Variants in PNKP observed in about 807,000 individuals in gnomAD.
PNKP encodes polynucleotide kinase 3'-phosphatase, also known as bifunctional polynucleotide phosphatase/kinase.
Under a neutral mutation model 66.2 loss-of-function variants are expected in PNKP, and 82 were observed. That is an observed-to-expected ratio of 1.24 (90% CI 1.04 to 1.49). The LOEUF is 1.49. PNKP is among the 40% of genes most tolerant of loss of function. The pLI is 0.00. For synonymous variants in PNKP, 412 were observed against 298.9 expected (o/e 1.38, Z -3.90); for missense variants, 907 against 706.8 (o/e 1.28, Z -3.21).
intron 8 of PNKP, 74 bp downstream of exon 8, chr19:49,863,615 G>C: frequency 8.8e-7 from 1 of 1,138,754 alleles, no homozygotes; most frequent in Non-Finnish European, 1.3e-6. Flanking sequence ...GGCCCCAACC[G>C]GAGGCCGGGG....
chr19:49,862,313 CG>C (rs1158501077), intron 11 of PNKP, 32 bp from the exon 12 acceptor site: 3 of 1,544,156 alleles, frequency 1.9e-6, no homozygotes, highest in Admixed American at 3.9e-5. Context: ...CGTGAGATGC[CG>C]TCCCCATCCC....
At chr19:49,866,608 C>T (rs2074822796) in intron 2 of PNKP, 163 bp from the exon 3 acceptor site, 1 of 731,776 alleles carries the variant, frequency 1.4e-6, no homozygotes, top group African/African-American at 1.7e-5. Context: ...GATAGTGGCA[C>T]TAGGATTGCC....
Position 49,862,882 on chromosome 19 carries a change from G to C in PNKP, c.817-144C>G. ...CATGTCCTCACTCTCCAGCCACTTT[G>C]CACCGTGCTCCTGGCCCCCTCCCCC... On this transcript the variant is annotated intron_variant, in intron 8 of 16. Transcript: ENST00000322344. 3.4e-6 allele frequency: 3 copies of C among 872,246 alleles called. No individual in the cohort carries two copies. In the Admixed American group the frequency reaches 5.9e-5, roughly 17 times the overall value. The allele number at this position is 872,246 out of a possible 1,614,324, so 54.0% of individuals were successfully genotyped here. A position where few individuals can be genotyped will look rare whatever the true frequency, so the allele number is the denominator to read the frequency against.
intron 3 of PNKP, among the ~76,000 whole-genome samples, chr19:49,865,761 C>CA (rs1225876742): frequency 1.8e-4 from 27 of 148,358 alleles, no homozygotes; most frequent in African/African-American, 6.8e-4. Flanking sequence ...TTACAGGCAC[C>CA]CGCCACCATG....
At position 49,865,353 on chromosome 19, in the gene PNKP, TC is replaced by T; in HGVS notation, c.271del (p.Asp91ThrfsTer12). ...GAGGCCATTGACCAAATACAGTGTG[TC>T]CCCCACCCCCAGAGAGCCCTCCAAC... is the stretch of plus-strand genomic sequence containing the variant. Reference protein sequence around the residue: ...PGLEGSLGVGDTLYLVNGLHP... With the variant: ...PGLEGSLGVGXTLYLVNGLHP... On this transcript the variant is annotated frameshift_variant, in exon 4 of 17. Coordinates refer to ENST00000322344, the MANE Select transcript of PNKP (RefSeq NM_007254.4). LOFTEE classifies it high-confidence loss of function. The T allele has an allele frequency of 6.2e-7, 1 of 1,613,462 alleles. No individual in the cohort carries two copies. The highest frequency in any genetic ancestry group is 1.1e-5 in the South Asian group (1 of 91,050).
Position 49,865,168 on chromosome 19 carries a change from A to G in PNKP, c.457T>C (p.Leu153=), listed in dbSNP as rs587784368. 7 of 1,614,166 alleles carry G rather than the reference A, an allele frequency of 4.3e-6. No homozygotes were observed. The highest frequency in any genetic ancestry group is 5.9e-6 in the Non-Finnish European group (7 of 1,180,004). ...ACCCCAGCTGCGGTGAACACTAGCA[A>G]CTTCTCCAAGTTCTCCCAGCCGGGG... is the stretch of plus-strand genomic sequence containing the variant. ...SNPGWENLEK[L]LVFTAAGVKP... Residue 153 remains leucine, a synonymous_variant, in exon 4 of 17, where the codon TTG becomes CTG. Transcript: ENST00000322344.
Position 49,865,133 on chromosome 19 carries a change from C to A in PNKP, c.492G>T (p.Gln164His). 1.2e-6 allele frequency: 2 copies of A among 1,613,832 alleles called. No homozygotes were observed. The highest frequency in any genetic ancestry group is 1.7e-6 in the Non-Finnish European group (2 of 1,179,896). ...LVFTAAGVKP[Q>H]GKVAGFDLDG... ...CCCTCGGCGTGGCCCTCACCTTGCC[C>A]TGGGGTTTCACCCCAGCTGCGGTGA... The change falls in exon 4 of 17, where the codon CAG becomes CAT. Residue 164 changes from glutamine (Q) to histidine (H), a missense_variant. Physicochemically the swap from Gln to His is conservative, Grantham distance 24 (BLOSUM62 0). Coordinates refer to ENST00000322344, the MANE Select transcript of PNKP (RefSeq NM_007254.4).
Position 49,861,651 on chromosome 19 carries a change from AAGC to A in PNKP, c.1340_1342del (p.Cys447del), listed in dbSNP as rs1310111667. The A allele has an allele frequency of 6.4e-7, 1 of 1,551,320 alleles. No individual in the cohort carries two copies. The highest frequency in any genetic ancestry group is 1.2e-5 in the South Asian group (1 of 84,492). Reference sequence around the variant, plus strand: ...CTGCTCCAGAGTGGCGGTGAAGAGGAAGCAGCGGCAGGGGACGCCCGCGGCTCG... The same window carrying A: ...CTGCTCCAGAGTGGCGGTGAAGAGGAAGCGGCAGGGGACGCCCGCGGCTCG... On this transcript the variant is annotated inframe_deletion, in exon 15 of 17. Coordinates refer to ENST00000322344, the MANE Select transcript of PNKP (RefSeq NM_007254.4).
chr19:49,862,517 G>C, intron 10 of PNKP, 21 bp downstream of exon 10: 1 of 1,604,162 alleles, frequency 6.2e-7, no homozygotes, highest in East Asian at 2.3e-5. Flanking sequence ...TCGGGCGCGG[G>C]GCAGGGGGCA....
chr19:49,866,957 C>T (rs2074824850), intron 2 of PNKP, 97 bp downstream of exon 2: 3 of 1,216,296 alleles, frequency 2.5e-6, no homozygotes, highest in Non-Finnish European at 3.7e-6. Context: ...TCGGGGCTGG[C>T]TGCACCACTG....
chr19:49,866,886 C>A, intron 2 of PNKP, 168 bp downstream of exon 2: 1 of 753,126 alleles, frequency 1.3e-6, no homozygotes, highest in Non-Finnish European at 2.4e-6. Context: ...AAGGATCTAG[C>A]TAATTCTAAA....
chr19:49,862,302 G>T, intron 11 of PNKP, 21 bp from the exon 12 acceptor site: 1 of 1,553,992 alleles, frequency 6.4e-7, no homozygotes, highest in East Asian at 2.4e-5. Context: ...CGGGGGACAC[G>T]CGTGAGATGC....
rs557741670 is a variant in PNKP, at chr19:49,865,439, A to G, written c.199-13T>C. 4 of 1,585,962 alleles carry G rather than the reference A, an allele frequency of 2.5e-6. No individual in the cohort carries two copies. The Admixed American group carries it at 5.3e-5, about 21-fold the overall frequency. ...GGTTAACTCCCAGCTGCAGAAAGAG[A>G]GGGAGGAGCTGGGACTGGCTCCGCC... On this transcript the variant is annotated splice_polypyrimidine_tract_variant and intron_variant, in intron 3 of 16. Coordinates refer to ENST00000322344, the MANE Select transcript of PNKP (RefSeq NM_007254.4).
At position 49,861,347 on chromosome 19, in the gene PNKP, T is replaced by C. The variant is rs758104295; in HGVS notation, c.1467A>G (p.Pro489=). 1 of 1,614,144 alleles carries C rather than the reference T, an allele frequency of 6.2e-7. No individual in the cohort carries two copies. Among genetic ancestry groups the C allele is most frequent in the Non-Finnish European group, 8.5e-7 (1 of 1,180,008 alleles). Residue 489 remains proline (P), a synonymous_variant, in exon 17 of 17, where the codon CCA becomes CCG. Coordinates refer to ENST00000322344, the MANE Select transcript of PNKP (RefSeq NM_007254.4). ...MYGYRKQFEA[P]TLAEGFSAIL... is the part of the protein sequence containing the mutation. ...TGGCAGAGAAGCCTTCAGCCAGCGT[T>C]GGGGCCTCGAACTGCTTCCTGGCAG...
rs1194208521 is a variant in PNKP, at chr19:49,862,261, C to A, written c.1050G>T (p.Gly350=). 6 of 1,604,826 alleles carry A rather than the reference C, an allele frequency of 3.7e-6. No homozygotes were observed. The highest frequency in any genetic ancestry group is 5.1e-6 in the Non-Finnish European group (6 of 1,175,956). ...CCCTGGACTCGGGGAGGCAGAGAGGCCCTGAGCGGGAGACAGTCCTCTGCG... is the reference window on the plus strand; with the variant it reads ...CCCTGGACTCGGGGAGGCAGAGAGGACCTGAGCGGGAGACAGTCCTCTGCG... The part of the protein sequence containing the change: ...AFDPRTVSRS[G]PLCLPESRAL... Residue 350 remains glycine (G), a synonymous_variant, in exon 12 of 17, where the codon GGG becomes GGT. Coordinates refer to ENST00000322344, the MANE Select transcript of PNKP (RefSeq NM_007254.4).
At chr19:49,863,807 T>TC (rs766368300) in intron 7 of PNKP, 47 bp from the exon 8 acceptor site, 80 of 1,509,782 alleles carry the variant, frequency 5.3e-5, no homozygotes, top group Non-Finnish European at 7.1e-5. Flanking sequence ...CTCAAGCACC[T>TC]ACTGGATGCC....
Position 49,862,178 on chromosome 19 carries a change from C to A in PNKP, c.1126+7G>T, listed in dbSNP as rs368201882. 9.3e-6 allele frequency: 15 copies of A among 1,613,836 alleles called. No homozygotes were observed. In the East Asian group the frequency reaches 3.3e-4, roughly 36 times the overall value. On this transcript the variant is annotated splice_region_variant and intron_variant, in intron 12 of 16. Transcript: ENST00000322344. ...TCAGGGCACGCGCACAGGAACAGGA[C>A]ACTTACCCCCAGGGAATCCCACTGC...
In PNKP at chr19:49,867,147, G is replaced by T. The variant is rs3739168; in HGVS notation, c.58C>A (p.Pro20Thr). 5 of 1,612,316 alleles carry T rather than the reference G, an allele frequency of 3.1e-6. No homozygotes were observed. In the Admixed American group the frequency reaches 8.3e-5, roughly 27 times the overall value. Residue 20 changes from proline to threonine, a missense_variant, in exon 2 of 17, where the codon CCC becomes ACC. Coordinates refer to ENST00000322344, the MANE Select transcript of PNKP (RefSeq NM_007254.4). ...LWLESPPGGA[P>T]PIFLPSDGQA... is the part of the protein sequence containing the mutation. ...CCGTCCGAGGGCAGGAAGATGGGGG[G>T]CGCTCCCCCAGGGGGGCTCTCGAGC... is the stretch of plus-strand genomic sequence containing the variant.
In PNKP at chr19:49,864,324, C is replaced by G. The variant is rs1056754589; in HGVS notation, c.578G>C (p.Arg193Thr). ...ACTCCCTTGTTTTGCCTCTTATCAC[C>G]TCCAGTCACTGGGGCCAGTGGGAAA... ...KVFPTGPSDW[R>T]ILYPEIPRKL... Residue 193 changes from arginine (R) to threonine (T), a missense_variant and splice_region_variant, in exon 5 of 17, where the codon AGG becomes ACG. Transcript: ENST00000322344. 2 of 1,613,504 alleles carry G rather than the reference C, an allele frequency of 1.2e-6. No individual in the cohort carries two copies. Among genetic ancestry groups the G allele is most frequent in the Non-Finnish European group, 1.7e-6 (2 of 1,179,540 alleles).
Sources: gnomAD v4.1 joint callset for allele counts (sites outside exome capture counted in the v4.1 genomes callset) on GRCh38, gnomAD v4.1.1 for gene constraint, MANE v1.5 for transcripts, NCBI Gene and HGNC (gene_info 2026-07-23, HGNC 2026-07-21) for gene names.